Variants in UVRAG observed in about 807,000 individuals in gnomAD.
The protein encoded by UVRAG is UV radiation resistance-associated gene protein.
Under a neutral mutation model 78.0 loss-of-function variants are expected in UVRAG, and 19 were observed. That is an observed-to-expected ratio of 0.24 (90% confidence interval 0.17 to 0.36). UVRAG has a LOEUF of 0.36. Ranked by LOEUF, UVRAG falls within the 10% of genes least tolerant of loss-of-function variation. UVRAG has a pLI of 1.00. For synonymous variants in UVRAG, 323 were observed against 324.6 expected, an observed-to-expected ratio of 1.00 and a Z score of 0.05; for missense variants, 740 against 853.8, an observed-to-expected ratio of 0.87 and a Z score of 1.66.
chr11:75,941,708 A>G (rs1948488115), intron 6 of UVRAG, among the ~76,000 whole-genome samples: 1 of 152,104 alleles, frequency 6.6e-6, no homozygotes, highest in African/African-American at 2.4e-5. Flanking sequence ...GCAGAGTTTC[A>G]GAATCAAATT....
At chr11:75,851,814 T>A in intron 1 of UVRAG, 69 bp from the exon 2 acceptor site, 1 of 1,224,678 alleles carries the variant, frequency 8.2e-7, no homozygotes, top group South Asian at 1.3e-5. Flanking sequence ...ATTTTTGAAC[T>A]GCAACTTCCA....
At chr11:75,913,307 G>A (rs1565376988) in intron 6 of UVRAG, among the ~76,000 whole-genome samples, 1 of 152,292 alleles carries the variant, frequency 6.6e-6, no homozygotes, top group South Asian at 2.1e-4. Context: ...AGAGGATTTG[G>A]GATAGTGCAG....
intron 6 of UVRAG, among the ~76,000 whole-genome samples, chr11:75,933,960 A>G (rs1237897062): frequency 1.3e-5 from 2 of 152,228 alleles, no homozygotes; most frequent in African/African-American, 4.8e-5. Flanking sequence ...CAAAAAAACT[A>G]AAAACTGAGC....
At chr11:75,919,690 A>G (rs765456803) in intron 6 of UVRAG, among the ~76,000 whole-genome samples, 3 of 152,190 alleles carry the variant, frequency 2.0e-5, no homozygotes, top group African/African-American at 7.2e-5. Context: ...TCTGTATTGC[A>G]TTTCATAACT....
At chr11:76,112,523 G>C (rs563944770) in intron 13 of UVRAG, among the ~76,000 whole-genome samples, 1 of 152,180 alleles carries the variant, frequency 6.6e-6, no homozygotes, top group Non-Finnish European at 1.5e-5. Flanking sequence ...CAGAAGAAAA[G>C]TAAACAAAAT....
Position 76,141,087 on chromosome 11 carries a change from C to T in UVRAG, c.1774C>T (p.His592Tyr), listed in dbSNP as rs1027583239. The T allele has an allele frequency of 8.7e-6, 14 of 1,614,044 alleles. No individual in the cohort carries two copies. The highest frequency in any genetic ancestry group is 1.3e-5 in the African/African-American group (1 of 74,920). ...SQEQGEALSGHRATVNGTLLP... is the reference protein window; with the variant it reads ...SQEQGEALSGYRATVNGTLLP... ...AGAACAAGGAGAAGCCCTCTCCGGG[C>T]ACCGGGCCACAGTCAATGGCACTCT... is the stretch of plus-strand genomic sequence containing the variant. Residue 592 changes from histidine (H) to tyrosine (Y), a missense_variant, in exon 15 of 15, where the codon CAC becomes TAC. Transcript: ENST00000356136.
intron 7 of UVRAG, among the ~76,000 whole-genome samples, chr11:75,963,465 G>A (rs962924099): frequency 6.6e-6 from 1 of 152,132 alleles, no homozygotes; most frequent in African/African-American, 2.4e-5. Flanking sequence ...GTCACTTTGA[G>A]GTTTACCTAT....
intron 14 of UVRAG, among the ~76,000 whole-genome samples, chr11:76,123,193 C>T (rs1234928426): frequency 6.6e-6 from 1 of 152,176 alleles, no homozygotes; most frequent in Non-Finnish European, 1.5e-5. Flanking sequence ...TCCTACCTTC[C>T]TCAGGGAAAC....
At chr11:76,112,343 A>C (rs1952089365) in intron 13 of UVRAG, among the ~76,000 whole-genome samples, 1 of 152,206 alleles carries the variant, frequency 6.6e-6, no homozygotes, top group South Asian at 2.1e-4. Context: ...TACCTAGGCA[A>C]ACTATCATTC....
At chr11:75,836,573 A>G (rs976954146) in intron 1 of UVRAG, among the ~76,000 whole-genome samples, 1 of 151,990 alleles carries the variant, frequency 6.6e-6, no homozygotes, top group Non-Finnish European at 1.5e-5. Flanking sequence ...TTTCTTCACA[A>G]TTTCTTTGGC....
chr11:76,121,675 C>A (rs536891797), intron 14 of UVRAG, among the ~76,000 whole-genome samples: 5 of 152,326 alleles, frequency 3.3e-5, no homozygotes, highest in African/African-American at 1.2e-4. Context: ...CTCCACCACT[C>A]TCCCACCCTT....
At chr11:75,934,303 C>A in intron 6 of UVRAG, among the ~76,000 whole-genome samples, 1 of 152,000 alleles carries the variant, frequency 6.6e-6, no homozygotes, top group East Asian at 1.9e-4. Context: ...CAATTGAAGT[C>A]ATGGAGATAG....
At chr11:75,863,031 A>G (rs1162584474) in intron 3 of UVRAG, among the ~76,000 whole-genome samples, 1 of 152,236 alleles carries the variant, frequency 6.6e-6, no homozygotes, top group Non-Finnish European at 1.5e-5. Flanking sequence ...GAGAGTTCCA[A>G]CAACTTTTGC....
chr11:76,135,610 GGTT>G (rs1185812902), intron 14 of UVRAG, among the ~76,000 whole-genome samples: 11 of 152,184 alleles, frequency 7.2e-5, no homozygotes, highest in Non-Finnish European at 1.6e-4. Context: ...GATATCTTTG[GGTT>G]GTTGTTTTTT....
Position 75,961,429 on chromosome 11 carries a change from A to G in UVRAG, c.594-15A>G. 2 of 1,574,736 alleles carry G rather than the reference A, an allele frequency of 1.3e-6. No individual in the cohort carries two copies. The highest frequency in any genetic ancestry group is 1.7e-6 in the Non-Finnish European group (2 of 1,167,728). ...TGTTAACTCATTTACATTTTTCTAT[A>G]ACTTATATTTCTAGGCTTCATAGAG... On this transcript the variant is annotated splice_polypyrimidine_tract_variant and intron_variant, in intron 6 of 14. Coordinates refer to ENST00000356136, the MANE Select transcript of UVRAG (RefSeq NM_003369.4).
chr11:75,843,719 G>A (rs1289780054), intron 1 of UVRAG, among the ~76,000 whole-genome samples: 2 of 152,150 alleles, frequency 1.3e-5, no homozygotes, highest in African/African-American at 4.8e-5. Context: ...AGCACTTTGG[G>A]AGGCCGAGGT....
intron 2 of UVRAG, among the ~76,000 whole-genome samples, chr11:75,852,503 A>G (rs1946176389): frequency 6.6e-6 from 1 of 152,154 alleles, no homozygotes; most frequent in Non-Finnish European, 1.5e-5. Flanking sequence ...CAAATATTTG[A>G]TTAAAAATGG....
At chr11:75,992,633 A>G (rs1235244223) in intron 8 of UVRAG, among the ~76,000 whole-genome samples, 1 of 152,178 alleles carries the variant, frequency 6.6e-6, no homozygotes, top group Admixed American at 6.5e-5. Flanking sequence ...ATTTACTAGC[A>G]TAACCTGGTC....
At chr11:75,969,140 C>T (rs1288423696) in intron 7 of UVRAG, among the ~76,000 whole-genome samples, 1 of 152,148 alleles carries the variant, frequency 6.6e-6, no homozygotes, top group Non-Finnish European at 1.5e-5. Flanking sequence ...ACTAACTCCT[C>T]GCCTCCCTCT....
Sources: allele counts gnomAD v4.1 joint callset (sites outside exome capture counted in the v4.1 genomes callset), GRCh38; gene constraint gnomAD v4.1.1; transcripts MANE v1.5; gene names NCBI Gene and HGNC (gene_info 2026-07-23, HGNC 2026-07-21).